Variants in PMEPA1 observed in about 807,000 individuals in gnomAD.
PMEPA1 encodes protein TMEPAI.
A neutral mutation model predicts 23.0 loss-of-function variants in PMEPA1; 11 were observed. The observed-to-expected ratio is 0.48, with a 90% CI of 0.30 to 0.79. PMEPA1 has a LOEUF of 0.79. Ranked by LOEUF, PMEPA1 falls within the 30% of genes least tolerant of loss-of-function variation. The pLI is 0.06. For missense variants in PMEPA1, 377 were observed against 390.9 expected (o/e 0.96, Z 0.30); for synonymous variants, 204 against 166.4 (o/e 1.23, Z -1.74).
chr20:57,661,298 C>T (rs115073213), intron 1 of PMEPA1, among the ~76,000 whole-genome samples: 4,045 of 152,296 alleles, frequency 0.027, 189 homozygotes, highest in African/African-American at 0.093. Flanking sequence ...TGGCCGAGCA[C>T]GGTGCCAGCA....
In PMEPA1 at chr20:57,666,411, T is replaced by C. The variant is rs145290152; in HGVS notation, c.110-6714A>G. Among the ~76,000 whole-genome samples the C allele has an allele frequency of 7.7e-3, 1,174 of 152,244 alleles. 15 individuals are homozygous for C. The highest frequency in any genetic ancestry group is 0.027 in the African/African-American group (1,117 of 41,528). On this transcript the variant is annotated intron_variant, in intron 1 of 3. Coordinates refer to ENST00000341744, the MANE Select transcript of PMEPA1 (RefSeq NM_020182.5). ...CGTCATTCTGTGAGGTCCGTACTTATGGGACCCCCACTTTGCAGATGAGGA... is the reference window on the plus strand; with the variant it reads ...CGTCATTCTGTGAGGTCCGTACTTACGGGACCCCCACTTTGCAGATGAGGA...
upstream of PMEPA1, chr20:57,710,085 C>A (rs2072152427): frequency 2.1e-6 from 2 of 970,990 alleles, no homozygotes; most frequent in African/African-American, 3.5e-5. Flanking sequence ...CTGCGCCAAT[C>A]CCCGCCGAGG....
chr20:57,657,838 C>T (rs1435641208), intron 2 of PMEPA1, among the ~76,000 whole-genome samples: 1 of 152,234 alleles, frequency 6.6e-6, no homozygotes, highest in Non-Finnish European at 1.5e-5. Flanking sequence ...AGTGGGGAGG[C>T]CACACTCAGT....
chr20:57,687,898 C>T (rs1345007791), intron 1 of PMEPA1, among the ~76,000 whole-genome samples: 1 of 152,238 alleles, frequency 6.6e-6, no homozygotes, highest in African/African-American at 2.4e-5. Flanking sequence ...GAGCCATGAG[C>T]TCTCTCTAGT....
chr20:57,693,205 G>A (rs1293153748), intron 1 of PMEPA1, among the ~76,000 whole-genome samples: 1 of 152,224 alleles, frequency 6.6e-6, no homozygotes, highest in Non-Finnish European at 1.5e-5. Context: ...ACCTCTGCGG[G>A]CTGCCATAAA....
At chr20:57,662,134 G>A (rs1305910641) in intron 1 of PMEPA1, among the ~76,000 whole-genome samples, 3 of 152,216 alleles carry the variant, frequency 2.0e-5, no homozygotes, top group Non-Finnish European at 2.9e-5. Flanking sequence ...TCTGCACCCA[G>A]GGAACATGTG....
At chr20:57,653,187 G>T in intron 2 of PMEPA1, 101 bp from the exon 3 acceptor site, 1 of 985,710 alleles carries the variant, frequency 1.0e-6, no homozygotes, top group Non-Finnish European at 1.6e-6. Context: ...CCTGGAATCA[G>T]CTCTTGAACC....
upstream of PMEPA1, chr20:57,710,096 T>A (rs1349521887): frequency 2.3e-6 from 2 of 875,860 alleles, no homozygotes; most frequent in East Asian, 8.2e-5. Flanking sequence ...CCCGCCGAGG[T>A]TCCCCCGCAC....
intron 1 of PMEPA1, among the ~76,000 whole-genome samples, chr20:57,672,538 A>G (rs1260693838): frequency 1.3e-5 from 2 of 152,178 alleles, no homozygotes; most frequent in Non-Finnish European, 2.9e-5. Context: ...CGTGCTGGAG[A>G]GCCTCTGAGG....
intron 1 of PMEPA1, among the ~76,000 whole-genome samples, chr20:57,670,318 C>T (rs1021635774): frequency 1.5e-4 from 23 of 152,142 alleles, no homozygotes; most frequent in Non-Finnish European, 2.6e-4. Context: ...TCTAGGCCTC[C>T]GTGGTGCAGC....
In PMEPA1 at chr20:57,683,564, T is replaced by TGCGTGTGTGTG. The variant is rs1555882197; in HGVS notation, c.110-23868_110-23867insCACACACACGC. ...GTTCTGGCCTGTGTGCGTGTGTGTG[T>TGCGTGTGTGTG]GTGTGTGTGTGTGTGTGTGTTTCTT... On this transcript the variant is annotated intron_variant, in intron 1 of 3. Coordinates refer to ENST00000341744, the MANE Select transcript of PMEPA1 (RefSeq NM_020182.5). This position sits in a 1 kb window ranked among gnomAD's most constrained non-coding sequence, Gnocchi z 4.3. Among the ~76,000 whole-genome samples the TGCGTGTGTGTG allele has an allele frequency of 6.7e-6, 1 of 149,666 alleles. No homozygotes were observed. The highest frequency in any genetic ancestry group is 6.6e-5 in the Admixed American group (1 of 15,038).
At chr20:57,709,247 G>A (rs1258097406) in intron 1 of PMEPA1, among the ~76,000 whole-genome samples, 2 of 149,796 alleles carry the variant, frequency 1.3e-5, no homozygotes, top group South Asian at 2.1e-4. Flanking sequence ...GGCGGGGCGC[G>A]GACAGCGGGG....
chr20:57,685,519 T>A (rs1276098106), intron 1 of PMEPA1, among the ~76,000 whole-genome samples: 1 of 152,220 alleles, frequency 6.6e-6, no homozygotes, highest in Non-Finnish European at 1.5e-5. Flanking sequence ...TATTGCTTTC[T>A]CGGCCTAAAA....
chr20:57,666,444 G>A (rs1056524395), intron 1 of PMEPA1, among the ~76,000 whole-genome samples: 1 of 152,164 alleles, frequency 6.6e-6, no homozygotes, highest in African/African-American at 2.4e-5. Context: ...GGAGACTGAG[G>A]CTGGGAGAGG....
chr20:57,684,046 G>C (rs2146686297), intron 1 of PMEPA1, among the ~76,000 whole-genome samples: 1 of 152,316 alleles, frequency 6.6e-6, no homozygotes, highest in South Asian at 2.1e-4. Flanking sequence ...CCGCAGTCAA[G>C]TAGGCTGATA....
rs989696073 is a variant in PMEPA1, at chr20:57,655,328, C to T, written c.265-2242G>A. 1.3e-5 allele frequency among the ~76,000 whole-genome samples: 2 copies of T among 152,194 alleles called. No individual in the cohort carries two copies. On this transcript the variant is annotated intron_variant, in intron 2 of 3. Transcript: ENST00000341744. This position sits in a 1 kb window ranked among gnomAD's most constrained non-coding sequence, Gnocchi z 4.2. The stretch of plus-strand genomic sequence containing the variant: ...CCCCCAGGCGGGTCAGGCACCTCCT[C>T]CCATCTCCTCCAGTCCCCTCCTGCA...
At chr20:57,653,522 T>C (rs891865040) in intron 2 of PMEPA1, among the ~76,000 whole-genome samples, 1 of 152,264 alleles carries the variant, frequency 6.6e-6, no homozygotes, top group Non-Finnish European at 1.5e-5. Context: ...CTGCAGTTTC[T>C]GTACCTGAAT....
Position 57,651,873 on chromosome 20 carries a change from C to G in PMEPA1, c.*180G>C. On this transcript the variant is annotated 3_prime_UTR_variant, in exon 4 of 4. Transcript: ENST00000341744. Reference sequence around the variant, plus strand: ...TTTTTTCTTTTTTTTTTTGCAAGCTCTCTTAGCTTGTGCATTCAGACCAGA... The same window carrying G: ...TTTTTTCTTTTTTTTTTTGCAAGCTGTCTTAGCTTGTGCATTCAGACCAGA... 8 of 353,800 alleles carry G rather than the reference C, an allele frequency of 2.3e-5. No individual in the cohort carries two copies. Among genetic ancestry groups the G allele is most frequent in the African/African-American group, 4.5e-5 (2 of 44,336 alleles). The allele number at this position is 353,800 out of a possible 1,614,324, so 21.9% of individuals were successfully genotyped here.
At position 57,652,129 on chromosome 20, in the gene PMEPA1, T is replaced by G. The variant is rs145143720; in HGVS notation, c.788A>C (p.His263Pro). 9 of 1,593,466 alleles carry G rather than the reference T, an allele frequency of 5.6e-6. No homozygotes were observed. Among genetic ancestry groups the G allele is most frequent in the Admixed American group, 1.8e-5 (1 of 56,786 alleles). Residue 263 changes from histidine (H) to proline (P), a missense_variant, in exon 4 of 4, where the codon CAC becomes CCC. Physicochemically the swap from His to Pro is moderately conservative, Grantham distance 77. Transcript: ENST00000341744. This position sits in a 1 kb window ranked among gnomAD's most constrained non-coding sequence, Gnocchi z 6.1. ...PSLLEGTRLH[H>P]THIAPLESAA... ...GCTCTCTAGGGGCGCGATGTGTGTG[T>G]GGTGGAGCCGGGTCCCCTCCAGCAA... is the stretch of plus-strand genomic sequence containing the variant.
Sources: gnomAD v4.1 joint callset for allele counts (sites outside exome capture counted in the v4.1 genomes callset) on GRCh38, gnomAD v4.1.1 for gene constraint, Gnocchi (gnomAD v3.1) non-coding constraint, MANE v1.5 for transcripts, NCBI Gene and HGNC (gene_info 2026-07-23, HGNC 2026-07-21) for gene names.